Variants in PALB2 observed in about 807,000 individuals in gnomAD.
PALB2 encodes the protein mutant partner and localizer of BRCA2.
Under a neutral mutation model 107.4 loss-of-function variants are expected in PALB2, and 82 were observed. The ratio of observed to expected loss-of-function variants is 0.76; its 90% CI spans 0.64 to 0.92. The LOEUF (loss-of-function observed/expected upper bound fraction) is 0.92. Among genes scored for constraint, PALB2 ranks in the 40% least tolerant of loss-of-function variants. The pLI is 0.00. For missense variants in PALB2, 1,374 were observed against 1,379.9 expected, an observed-to-expected ratio of 1.00 and a Z score of 0.07; for synonymous variants, 489 against 496.8, an observed-to-expected ratio of 0.98 and a Z score of 0.21.
At chr16:23,609,240 G>T (rs1966539922) in intron 11 of PALB2, among the ~76,000 whole-genome samples, 1 of 152,182 alleles carries the variant, frequency 6.6e-6, no homozygotes, top group Non-Finnish European at 1.5e-5. Context: ...AAACACAGCT[G>T]AAGACCTCAT....
intron 11 of PALB2, among the ~76,000 whole-genome samples, chr16:23,612,839 G>A (rs1024585658): frequency 7.3e-5 from 11 of 151,534 alleles, no homozygotes; most frequent in Admixed American, 6.6e-4. Flanking sequence ...TGCAACCTCC[G>A]CCTCCTGGGT....
rs141050616 is a variant in PALB2, at chr16:23,626,968, T to C, written c.2587-571A>G. On this transcript the variant is annotated intron_variant, in intron 6 of 12. Coordinates refer to ENST00000261584, the MANE Select transcript of PALB2 (RefSeq NM_024675.4). ...AGTCCAGATGGAATAAATTCAGATA[T>C]AACCACAAAAAAAATCCTGTAGAAC... 1.6e-3 allele frequency among the ~76,000 whole-genome samples: 237 copies of C among 151,994 alleles called. 3 individuals carry two copies. Among genetic ancestry groups the C allele is most frequent in the African/African-American group, 5.1e-3 (212 of 41,464 alleles).
chr16:23,629,310 T>C, intron 5 of PALB2, 35 bp from the exon 6 acceptor site: 2 of 1,555,966 alleles, frequency 1.3e-6, no homozygotes, highest in East Asian at 4.5e-5. Flanking sequence ...TAGTCTACAC[T>C]TTATGTATAA....
intron 4 of PALB2, among the ~76,000 whole-genome samples, chr16:23,631,110 A>C (rs1382488698): frequency 3.1e-5 from 3 of 97,650 alleles, no homozygotes; most frequent in Admixed American, 2.9e-4. Flanking sequence ...CTAAAAATAC[A>C]AAAAAAAAAA....
At position 23,626,396 on chromosome 16, in the gene PALB2, T is replaced by G; in HGVS notation, c.2588A>C (p.Asn863Thr). The G allele has an allele frequency of 6.2e-6, 10 of 1,614,180 alleles. No homozygotes were observed. Among genetic ancestry groups the G allele is most frequent in the Non-Finnish European group, 7.6e-6 (9 of 1,180,026 alleles). ...ATCTACGGAACAGGAACCTGAAGGATTCTGACACAATGGCAACAGTTCTGT... is the reference window on the plus strand; with the variant it reads ...ATCTACGGAACAGGAACCTGAAGGAGTCTGACACAATGGCAACAGTTCTGT... ...GNLQLVSELK[N>T]PSGSCSVDVS... Residue 863 changes from asparagine to threonine, a missense_variant and splice_region_variant, in exon 7 of 13, where the codon AAT (asparagine) becomes ACT (threonine). Transcript: ENST00000261584.
chr16:23,626,233 T>TA lies in PALB2; in HGVS notation c.2748+2dup, dbSNP rs1370694908. ...TCTCTTTCAGCTCGAGATTCCCACT[T>TA]ACCTCTGCGAAGTGCCAGGTATAAA... is the stretch of plus-strand genomic sequence containing the variant. On this transcript the variant is annotated splice_region_variant and intron_variant, in intron 7 of 12. Transcript: ENST00000261584. 2.5e-6 allele frequency: 4 copies of TA among 1,614,100 alleles called. No individual in the cohort carries two copies. The highest frequency in any genetic ancestry group is 1.1e-5 in the South Asian group (1 of 91,090).
intron 4 of PALB2, among the ~76,000 whole-genome samples, chr16:23,634,486 C>T (rs969616209): frequency 6.6e-6 from 1 of 151,944 alleles, no homozygotes; most frequent in African/African-American, 2.4e-5. Context: ...CTCACCTCTA[C>T]AAAAAATTTT....
At chr16:23,605,282 T>C (rs1966449500) in intron 12 of PALB2, among the ~76,000 whole-genome samples, 1 of 152,136 alleles carries the variant, frequency 6.6e-6, no homozygotes, top group African/African-American at 2.4e-5. Flanking sequence ...CTACTGCCAA[T>C]TAAGGTGCCC....
chr16:23,608,135 A>G (rs776338104), intron 11 of PALB2, 123 bp from the exon 12 acceptor site: 7 of 1,081,524 alleles, frequency 6.5e-6, no homozygotes, highest in Non-Finnish European at 8.2e-6. Flanking sequence ...TGAAGTATCC[A>G]GGATTTAACC....
chr16:23,613,856 TA>T, intron 11 of PALB2, 147 bp downstream of exon 11: 2 of 675,754 alleles, frequency 3.0e-6, no homozygotes, highest in Non-Finnish European at 2.6e-6. Context: ...ATTTTCATCC[TA>T]AATTTCAAGA....
intron 4 of PALB2, among the ~76,000 whole-genome samples, chr16:23,633,381 G>A (rs548977602): frequency 2.8e-4 from 42 of 152,302 alleles, no homozygotes; most frequent in African/African-American, 9.6e-4. Context: ...TTGACTGGCT[G>A]CTCTGGCACA....
rs770996884 is a variant in PALB2, at chr16:23,629,224, G to A, written c.2566C>T (p.Gln856Ter). 6.2e-7 allele frequency: 1 copy of A among 1,613,428 alleles called. No homozygotes were observed. Among genetic ancestry groups the A allele is most frequent in the Non-Finnish European group, 8.5e-7 (1 of 1,179,714 alleles). Residue 856 changes from glutamine (Q) to a stop codon, truncating the protein, a stop_gained, in exon 6 of 13, where the codon CAA becomes TAA. Coordinates refer to ENST00000261584, the MANE Select transcript of PALB2 (RefSeq NM_024675.4). LOFTEE classifies it high-confidence loss of function. ...CTGACCTTTAACTCTGAAACCAATTGTAGGTTGCCTGGGTTTATGCTATCA... is the reference window on the plus strand; with the variant it reads ...CTGACCTTTAACTCTGAAACCAATTATAGGTTGCCTGGGTTTATGCTATCA... The part of the protein sequence containing the change: ...ASDSINPGNL[Q>*]LVSELKNPSG...
intron 9 of PALB2, among the ~76,000 whole-genome samples, chr16:23,622,686 C>A (rs559425479): frequency 3.1e-4 from 47 of 152,294 alleles, no homozygotes; most frequent in African/African-American, 1.1e-3. Flanking sequence ...CCACTGTGCC[C>A]AGCAGAGGTA....
chr16:23,621,550 G>A (rs1691112464), intron 9 of PALB2, 72 bp from the exon 10 acceptor site: 3 of 904,776 alleles, frequency 3.3e-6, no homozygotes, highest in Admixed American at 3.5e-5. Context: ...TCTCCGCATT[G>A]TTGAACTGCA....
intron 3 of PALB2, 105 bp from the exon 4 acceptor site, chr16:23,636,439 A>T (rs994378215): frequency 1.0e-5 from 8 of 789,168 alleles, no homozygotes; most frequent in South Asian, 6.3e-5. Flanking sequence ...ACATTTATTT[A>T]AGAAAGAATC....
At chr16:23,608,656 G>A (rs981458461) in intron 11 of PALB2, among the ~76,000 whole-genome samples, 1 of 151,932 alleles carries the variant, frequency 6.6e-6, no homozygotes, top group African/African-American at 2.4e-5. Flanking sequence ...TTAAAACCCT[G>A]ACCCTACTAC....
intron 10 of PALB2, among the ~76,000 whole-genome samples, chr16:23,620,588 A>G (rs1483598273): frequency 6.6e-6 from 1 of 152,202 alleles, no homozygotes; most frequent in African/African-American, 2.4e-5. Flanking sequence ...TCCAGAGTGT[A>G]TACTTATTCG....
rs10525601 is a variant in PALB2, at chr16:23,608,801, TAC to T, written c.3202-791_3202-790del. 9.3e-4 allele frequency among the ~76,000 whole-genome samples: 133 copies of T among 143,678 alleles called. No individual in the cohort carries two copies. In the Middle Eastern group the frequency reaches 0.011, roughly 11 times the overall value. The allele number at this position is 143,678 out of a possible 152,430, so 94.3% of individuals were successfully genotyped here. On this transcript the variant is annotated intron_variant, in intron 11 of 12. Transcript: ENST00000261584. ...ATATTACTGTATGTGTGTATATATA[TAC>T]ACACACACACACACACACACATATA...
intron 9 of PALB2, among the ~76,000 whole-genome samples, chr16:23,621,707 CTTG>C (rs1966777366): frequency 6.6e-6 from 1 of 152,270 alleles, no homozygotes; most frequent in South Asian, 2.1e-4. Context: ...CAAAATTAAA[CTTG>C]TTAACTTTTT....
Sources: gnomAD v4.1 joint callset for allele counts (sites outside exome capture counted in the v4.1 genomes callset) on GRCh38, gnomAD v4.1.1 for gene constraint, MANE v1.5 for transcripts, NCBI Gene and HGNC (gene_info 2026-07-23, HGNC 2026-07-21) for gene names.